The following LPAR1 variants were observed in gnomAD, a reference collection of about 807,000 sequenced individuals.
LPAR1 encodes the protein LPA receptor 1.
A neutral mutation model predicts 23.8 loss-of-function variants in LPAR1; 5 were observed. That is an observed-to-expected ratio of 0.21 (90% CI 0.11 to 0.44). The LOEUF (loss-of-function observed/expected upper bound fraction) is 0.44, where lower values mean the gene tolerates loss of function less well. LPAR1 is among the 20% of genes least tolerant of loss of function. The pLI is 0.99. For missense variants in LPAR1, 311 were observed against 482.8 expected, an observed-to-expected ratio of 0.64 and a Z score of 3.33; for synonymous variants, 160 against 164.7, an observed-to-expected ratio of 0.97 and a Z score of 0.22.
rs201640956 is a variant in LPAR1 at position 110,875,523 on chromosome 9, A to G, written c.993T>C (p.Ser331=). Residue 331 remains serine, a synonymous_variant, in exon 6 of 6, where the codon AGT becomes AGC. Transcript: ENST00000683809. Reference sequence around the variant, plus strand: ...CTTCTGTGGGGCCGGTGGGGTTCTCACTGCGCTGGCAGCAGAGGATCTGCC... The same window carrying G: ...CTTCTGTGGGGCCGGTGGGGTTCTCGCTGCGCTGGCAGCAGAGGATCTGCC... The part of the protein sequence containing the change: ...TFRQILCCQR[S]ENPTGPTEGS... 22 of 1,614,138 alleles carry G rather than the reference A, an allele frequency of 1.4e-5. No homozygotes were observed. In the East Asian group the frequency reaches 4.9e-4, roughly 36 times the overall value.
At chr9:110,929,242 G>T (rs1190774095) in intron 5 of LPAR1, among the ~76,000 whole-genome samples, 1 of 152,152 alleles carries the variant, frequency 6.6e-6, no homozygotes, top group Non-Finnish European at 1.5e-5. Context: ...ACCACATTCA[G>T]TCTAGACACT....
intron 2 of LPAR1, among the ~76,000 whole-genome samples, chr9:110,986,235 T>C (rs1309370061): frequency 1.3e-5 from 2 of 152,108 alleles, no homozygotes; most frequent in African/African-American, 2.4e-5. Context: ...ATAGGGTGGA[T>C]ACATTTCTAC....
chr9:110,989,521 A>G (rs1001954006), intron 2 of LPAR1, among the ~76,000 whole-genome samples: 4 of 152,172 alleles, frequency 2.6e-5, no homozygotes, highest in African/African-American at 4.8e-5. Flanking sequence ...AGGTTCTTGT[A>G]CTATACATAA....
intron 5 of LPAR1, among the ~76,000 whole-genome samples, chr9:110,918,266 C>T (rs1323167370): frequency 3.3e-5 from 5 of 152,144 alleles, no homozygotes; most frequent in African/African-American, 1.2e-4. Context: ...CAGGCACATA[C>T]TCTGTACACT....
At chr9:110,923,165 T>A (rs532020868) in intron 5 of LPAR1, among the ~76,000 whole-genome samples, 1 of 152,228 alleles carries the variant, frequency 6.6e-6, no homozygotes, top group Non-Finnish European at 1.5e-5. Flanking sequence ...TCTGCCACAA[T>A]GAGGATTAAT....
rs57773067 is a variant in LPAR1 at position 110,961,617 on chromosome 9, C to CAA, written c.45+10454_45+10455dup. 8.8e-3 allele frequency among the ~76,000 whole-genome samples: 705 copies of CAA among 79,698 alleles called. 8 individuals carry two copies. Among genetic ancestry groups the CAA allele is most frequent in the Non-Finnish European group, 0.013 (533 of 41,526 alleles). The allele number at this position is 79,698 out of a possible 152,430, so 52.3% of individuals were successfully genotyped here. A position where few individuals can be genotyped will look rare whatever the true frequency, so the allele number is the denominator to read the frequency against. On this transcript the variant is annotated intron_variant, in intron 4 of 5. Coordinates refer to ENST00000683809, the MANE Select transcript of LPAR1 (RefSeq NM_001351411.2). Reference sequence around the variant, plus strand: ...CCTGGGTGACAGAGCGAGACTATCTCAAAAAAAAAAAAAAAAAAAAAAAGA... The same window carrying CAA: ...CCTGGGTGACAGAGCGAGACTATCTCAAAAAAAAAAAAAAAAAAAAAAAAAGA...
At chr9:110,975,041 C>T (rs2096526241) in intron 2 of LPAR1, among the ~76,000 whole-genome samples, 1 of 151,916 alleles carries the variant, frequency 6.6e-6, no homozygotes, top group Admixed American at 6.6e-5. Flanking sequence ...TTATCTTGCT[C>T]TATGTGACAT....
At chr9:111,013,248 C>CA (rs1246340853) in intron 2 of LPAR1, among the ~76,000 whole-genome samples, 42 of 152,208 alleles carry the variant, frequency 2.8e-4, no homozygotes, top group African/African-American at 9.9e-4. Context: ...AATACACACG[C>CA]AAACTACAGA....
chr9:110,999,617 G>C (rs1170802140), intron 2 of LPAR1, among the ~76,000 whole-genome samples: 3 of 152,200 alleles, frequency 2.0e-5, no homozygotes. Context: ...GTTGGGCTCT[G>C]ATGAGGCCTC....
At chr9:111,021,825 G>C (rs907107740) in intron 2 of LPAR1, among the ~76,000 whole-genome samples, 2 of 151,872 alleles carry the variant, frequency 1.3e-5, no homozygotes, top group Non-Finnish European at 2.9e-5. Flanking sequence ...GCTGAGTGTG[G>C]GGGCAGACAC....
chr9:110,990,324 C>A (rs2096871006), intron 2 of LPAR1, among the ~76,000 whole-genome samples: 1 of 152,032 alleles, frequency 6.6e-6, no homozygotes, highest in South Asian at 2.1e-4. Context: ...GAAATCTGTA[C>A]CAATATAGAC....
chr9:110,967,945 C>T (rs1268534695), intron 4 of LPAR1, among the ~76,000 whole-genome samples: 1 of 152,218 alleles, frequency 6.6e-6, no homozygotes, highest in African/African-American at 2.4e-5. Flanking sequence ...GTATAGCTGA[C>T]TCCTTCCCCG....
rs182553611 is a variant in LPAR1, at chr9:111,032,978, C to T, written c.-182+3144G>A. The stretch of plus-strand genomic sequence containing the variant: ...TATTTTCATAATACAACAAACACAG[C>T]TTGCCCTGCCTCATGCAGGCTTATT... On this transcript the variant is annotated intron_variant, in intron 2 of 5. Coordinates refer to ENST00000683809, the MANE Select transcript of LPAR1 (RefSeq NM_001351411.2). Among the ~76,000 whole-genome samples the T allele has an allele frequency of 2.6e-4, 39 of 152,316 alleles. No homozygotes were observed. In the East Asian group the frequency reaches 7.5e-3, roughly 29 times the overall value.
At chr9:111,024,409 T>G (rs1290671391) in intron 2 of LPAR1, among the ~76,000 whole-genome samples, 1 of 147,670 alleles carries the variant, frequency 6.8e-6, no homozygotes, top group Non-Finnish European at 1.5e-5. Flanking sequence ...ACACACATAT[T>G]TATATATATA....
At chr9:111,003,334 C>T (rs931505975) in intron 2 of LPAR1, among the ~76,000 whole-genome samples, 1 of 152,106 alleles carries the variant, frequency 6.6e-6, no homozygotes, top group Non-Finnish European at 1.5e-5. Flanking sequence ...GAACACTCCA[C>T]GGTAAGACAG....
intron 2 of LPAR1, among the ~76,000 whole-genome samples, chr9:110,987,939 A>T (rs750541179): frequency 6.6e-5 from 10 of 152,034 alleles, no homozygotes; most frequent in Non-Finnish European, 1.3e-4. Flanking sequence ...TGCACAATCA[A>T]ATTTACAAAA....
intron 2 of LPAR1, among the ~76,000 whole-genome samples, chr9:110,980,106 T>C (rs1447307748): frequency 6.6e-6 from 1 of 152,124 alleles, no homozygotes; most frequent in Non-Finnish European, 1.5e-5. Context: ...AATAATGGCC[T>C]AGTCAAAATC....
intron 5 of LPAR1, among the ~76,000 whole-genome samples, chr9:110,891,692 A>G (rs987869451): frequency 6.6e-6 from 1 of 152,248 alleles, no homozygotes; most frequent in Non-Finnish European, 1.5e-5. Flanking sequence ...ACATATCAGT[A>G]CAATAATAAA....
At chr9:110,965,214 C>G (rs2096170480) in intron 4 of LPAR1, among the ~76,000 whole-genome samples, 1 of 152,048 alleles carries the variant, frequency 6.6e-6, no homozygotes, top group Non-Finnish European at 1.5e-5. Flanking sequence ...GAGGAACAAT[C>G]TCTTAACTAA....
Sources: gnomAD v4.1 joint callset for allele counts (sites outside exome capture counted in the v4.1 genomes callset) on GRCh38, gnomAD v4.1.1 for gene constraint, MANE v1.5 for transcripts, NCBI Gene and HGNC (gene_info 2026-07-23, HGNC 2026-07-21) for gene names.